Variants in EXOC1 observed in about 807,000 individuals in gnomAD.
The protein encoded by EXOC1 is SEC3-like 1.
A neutral mutation model predicts 107.7 loss-of-function variants in EXOC1; 67 were observed. That is an observed-to-expected ratio of 0.62 (90% confidence interval 0.51 to 0.76). The LOEUF (loss-of-function observed/expected upper bound fraction) is 0.76, where lower values mean the gene tolerates loss of function less well. EXOC1 is among the 30% of genes least tolerant of loss of function. The probability of loss-of-function intolerance (pLI) is 0.00; values close to 1 mark genes in which losing one functional copy is unlikely to be tolerated. For synonymous variants in EXOC1, 348 were observed against 353.5 expected (o/e 0.98, Z 0.17); for missense variants, 833 against 1,055.7 (o/e 0.79, Z 2.92).
intron 3 of EXOC1, 152 bp downstream of exon 3, chr4:55,860,693 G>A: frequency 1.2e-6 from 1 of 821,462 alleles, no homozygotes; most frequent in Non-Finnish European, 1.8e-6. Context: ...TTATGTTTGT[G>A]CACAAGCTAC....
chr4:55,859,273 T>C lies in EXOC1; in HGVS notation c.124+826T>C, dbSNP rs551453631. The stretch of plus-strand genomic sequence containing the variant: ...TTTGTGTCCATGAACATGGTACAGT[T>C]CTCTATTTATCTAGGTGTTTTTTAA... On this transcript the variant is annotated intron_variant, in intron 2 of 18. Transcript: ENST00000381295. Among the ~76,000 whole-genome samples, 4 of 152,286 alleles carry C rather than the reference T, an allele frequency of 2.6e-5. No homozygotes were observed. In the East Asian group the frequency reaches 7.7e-4, roughly 29 times the overall value.
rs1368529316 is a variant in EXOC1 at position 55,868,523 on chromosome 4, G to A, written c.603G>A (p.Gly201=). 4 of 1,612,140 alleles carry A rather than the reference G, an allele frequency of 2.5e-6. No homozygotes were observed. The highest frequency in any genetic ancestry group is 3.4e-6 in the Non-Finnish European group (4 of 1,178,762). The change falls in exon 5 of 19, where the codon GGG becomes GGA. Residue 201 remains glycine (G), a splice_region_variant and synonymous_variant. Coordinates refer to ENST00000381295, the MANE Select transcript of EXOC1 (RefSeq NM_001024924.2). ...CCAGAGAGCTGCAGGTGCTAGATGG[G>A]GTAAGACTTTCCTGAATTCTATGAA... ...KLSRELQVLD[G]ANIQSIMASE... is the part of the protein sequence containing the mutation.
chr4:55,884,005 T>G, intron 10 of EXOC1, 77 bp downstream of exon 10: 1 of 1,041,906 alleles, frequency 9.6e-7, no homozygotes, highest in Non-Finnish European at 1.4e-6. Context: ...TAAGACTTCT[T>G]AAGCAAGGTG....
chr4:55,857,446 G>A (rs1008587461), intron 1 of EXOC1, among the ~76,000 whole-genome samples: 1 of 152,018 alleles, frequency 6.6e-6, no homozygotes, highest in Admixed American at 6.5e-5. Context: ...GGGATTACAA[G>A]CGTGAGCCAC....
intron 5 of EXOC1, among the ~76,000 whole-genome samples, chr4:55,870,304 G>A (rs1722307766): frequency 6.6e-6 from 1 of 152,230 alleles, no homozygotes; most frequent in Admixed American, 6.5e-5. Context: ...TGGAGGAAAT[G>A]TTAGAGATAA....
At chr4:55,892,777 C>A in intron 14 of EXOC1, 66 bp downstream of exon 14, 1 of 1,460,896 alleles carries the variant, frequency 6.8e-7, no homozygotes, top group South Asian at 1.1e-5. Flanking sequence ...GAGTGCTGCT[C>A]ATTGAGGGGT....
At chr4:55,866,914 T>A in intron 4 of EXOC1, 1 of 984,728 alleles carries the variant, frequency 1.0e-6, no homozygotes, top group Non-Finnish European at 1.2e-6. Context: ...CTTTTCTTCT[T>A]CTATTCCATA....
intron 4 of EXOC1, among the ~76,000 whole-genome samples, chr4:55,867,642 G>T (rs954151018): frequency 3.3e-5 from 5 of 151,180 alleles, no homozygotes; most frequent in African/African-American, 1.2e-4. Flanking sequence ...TATAAAGCAT[G>T]AAGCCTGTTT....
chr4:55,879,207 C>A (rs887476006), intron 9 of EXOC1, among the ~76,000 whole-genome samples: 1 of 152,200 alleles, frequency 6.6e-6, no homozygotes, highest in Non-Finnish European at 1.5e-5. Flanking sequence ...CAGGCAAATA[C>A]TTGCCTTCTC....
intron 9 of EXOC1, among the ~76,000 whole-genome samples, chr4:55,882,306 A>T (rs1403549701): frequency 6.6e-6 from 1 of 152,008 alleles, no homozygotes; most frequent in African/African-American, 2.4e-5. Context: ...GCTCCCGGCT[A>T]ATTTTGCATT....
intron 18 of EXOC1, among the ~76,000 whole-genome samples, chr4:55,903,202 A>G (rs1382631730): frequency 1.3e-5 from 2 of 151,910 alleles, no homozygotes; most frequent in Non-Finnish European, 2.9e-5. Context: ...AGAAAGAAAG[A>G]AAATCAGCTT....
At chr4:55,857,160 C>CTTTTTTCT (rs1721052427) in intron 1 of EXOC1, among the ~76,000 whole-genome samples, 4 of 133,428 alleles carry the variant, frequency 3.0e-5, no homozygotes, top group African/African-American at 1.2e-4. Flanking sequence ...ACTTCATTTC[C>CTTTTTTCT]TTTTTTTCTT....
chr4:55,890,935 C>T (rs868358477), intron 12 of EXOC1, among the ~76,000 whole-genome samples: 3 of 152,228 alleles, frequency 2.0e-5, no homozygotes, highest in Admixed American at 6.5e-5. Context: ...ACCATGCTGG[C>T]CAGGCTGGTT....
chr4:55,885,202 C>T (rs975603024), intron 10 of EXOC1, among the ~76,000 whole-genome samples: 3 of 151,786 alleles, frequency 2.0e-5, no homozygotes, highest in Non-Finnish European at 2.9e-5. Flanking sequence ...TGTTAGTGAA[C>T]CATTTTATTT....
At chr4:55,893,482 G>T in intron 14 of EXOC1, 70 bp from the exon 15 acceptor site, 1 of 1,353,634 alleles carries the variant, frequency 7.4e-7, no homozygotes, top group Non-Finnish European at 1.0e-6. Flanking sequence ...ATACCCAGTG[G>T]ATTAAAGTTA....
intron 3 of EXOC1, among the ~76,000 whole-genome samples, chr4:55,863,248 T>C (rs1206037766): frequency 3.3e-5 from 5 of 152,046 alleles, no homozygotes; most frequent in Non-Finnish European, 7.4e-5. Context: ...AAGGGAGAAA[T>C]ATTAGCCTGA....
chr4:55,894,468 T>C (rs768404661), intron 15 of EXOC1, among the ~76,000 whole-genome samples: 23 of 152,060 alleles, frequency 1.5e-4, no homozygotes, highest in African/African-American at 3.6e-4. Flanking sequence ...AGAAAACTAA[T>C]TTGATTATTT....
intron 17 of EXOC1, chr4:55,900,726 A>G (rs1725800958): frequency 1.3e-5 from 2 of 152,148 alleles, no homozygotes; most frequent in Non-Finnish European, 2.9e-5. Context: ...ATGTAAAAAA[A>G]AATTAACTGG....
intron 4 of EXOC1, among the ~76,000 whole-genome samples, chr4:55,865,443 C>T (rs1164285409): frequency 6.6e-6 from 1 of 152,114 alleles, no homozygotes; most frequent in Non-Finnish European, 1.5e-5. Context: ...TGTAGGAATC[C>T]CCAGGGTTGC....
Sources: gnomAD v4.1 joint callset for allele counts (sites outside exome capture counted in the v4.1 genomes callset) on GRCh38, gnomAD v4.1.1 for gene constraint, MANE v1.5 for transcripts, NCBI Gene and HGNC (gene_info 2026-07-23, HGNC 2026-07-21) for gene names.